The following SPEN variants were observed in gnomAD, a reference collection of about 807,000 sequenced individuals.
SPEN encodes spen family transcriptional repressor.
SPEN carries 18 observed loss-of-function variants against 269.9 expected under a neutral mutation model. That is an observed-to-expected ratio of 0.07 (90% CI 0.05 to 0.10). The LOEUF is 0.10. Among genes scored for constraint, SPEN ranks in the 10% least tolerant of loss-of-function variants. The probability of loss-of-function intolerance (pLI) is 1.00; values close to 1 mark genes in which losing one functional copy is unlikely to be tolerated. For synonymous variants in SPEN, 1,726 were observed against 1,765.7 expected, an observed-to-expected ratio of 0.98 and a Z score of 0.56; for missense variants, 3,822 against 4,631.2, an observed-to-expected ratio of 0.83 and a Z score of 5.07.
Position 15,934,975 on chromosome 1 carries a change from C to T in SPEN, c.8735C>T (p.Pro2912Leu), listed in dbSNP as rs776194989. The T allele has an allele frequency of 1.9e-6, 3 of 1,613,968 alleles. No homozygotes were observed. The highest frequency in any genetic ancestry group is 1.3e-5 in the African/African-American group (1 of 74,976). Reference protein sequence around the residue: ...VKADRPSLEKPEPIHLSVSTP... With the variant: ...VKADRPSLEKLEPIHLSVSTP... ...GCCGATAGGCCATCCTTGGAGAAGC[C>T]CGAGCCCATTCACCTCTCGGTGTCC... The change falls in exon 11 of 15, where the codon CCC (proline) becomes CTC (leucine). Residue 2912 changes from proline (P) to leucine (L), a missense_variant. Pro to Leu is a moderately conservative substitution (Grantham distance 98, BLOSUM62 -3). This residue lies in a region of SPEN where 329 missense variants were observed against 431.2 expected (regional missense o/e 0.76). Transcript: ENST00000375759. This position sits in a 1 kb window ranked among gnomAD's most constrained non-coding sequence, Gnocchi z 9.2.
chr1:15,919,298 G>A (rs1490424080), intron 7 of SPEN, 106 bp from the exon 8 acceptor site: 1 of 782,612 alleles, frequency 1.3e-6, no homozygotes, highest in Non-Finnish European at 2.0e-6. Context: ...CACTTGAGAT[G>A]TTGATTTGAT....
chr1:15,912,708 A>T (rs1165771590), intron 5 of SPEN, among the ~76,000 whole-genome samples: 2 of 152,196 alleles, frequency 1.3e-5, no homozygotes, highest in African/African-American at 4.8e-5. Flanking sequence ...ATCAAGTTTG[A>T]GATGGATTGC....
rs970919679 is a variant in SPEN at position 15,847,878 on chromosome 1, C to G, written c.-190C>G. 9.9e-5 allele frequency: 28 copies of G among 282,988 alleles called. No homozygotes were observed. The highest frequency in any genetic ancestry group is 3.2e-4 in the Admixed American group (6 of 18,866). 17.5% of individuals were successfully genotyped at this position (282,988 alleles called of 1,614,324 possible). ...GGCGGCAGAGCTGAGCTGCGAGGCC[C>G]GAGAGTCAGAACCTGGGGGAGAGGG... On this transcript the variant is annotated 5_prime_UTR_variant, in exon 1 of 15. Coordinates refer to ENST00000375759, the MANE Select transcript of SPEN (RefSeq NM_015001.3).
chr1:15,873,102 G>A lies in SPEN; in HGVS notation c.370G>A (p.Ala124Thr). Reference protein sequence around the residue: ...PAYGPPPSLHAREGRYERRLD... With the variant: ...PAYGPPPSLHTREGRYERRLD... ...TTATGGTCCCCCACCGTCACTTCAT[G>A]CACGAGAAGGACGTTATGAGCGGAG... Residue 124 changes from alanine to threonine, a missense_variant, in exon 2 of 15, where the codon GCA (alanine) becomes ACA (threonine). Physicochemically the swap from Ala to Thr is moderately conservative, Grantham distance 58 (BLOSUM62 0). This residue lies in a region of SPEN where 327 missense variants were observed against 350.8 expected (regional missense o/e 0.93). Transcript: ENST00000375759. The A allele has an allele frequency of 6.2e-7, 1 of 1,613,870 alleles. No homozygotes were observed. Among genetic ancestry groups the A allele is most frequent in the East Asian group, 2.2e-5 (1 of 44,882 alleles).
chr1:15,865,406 G>A (rs1041531187), intron 1 of SPEN, among the ~76,000 whole-genome samples: 5 of 145,984 alleles, frequency 3.4e-5, no homozygotes, highest in African/African-American at 1.3e-4. Flanking sequence ...ATCTTCCTAT[G>A]CAGGTATATG....
chr1:15,873,734 C>T lies in SPEN; in HGVS notation c.404+598C>T, dbSNP rs190138088. Reference sequence around the variant, plus strand: ...CTGATTTTTCCATTTTGGATCTACACAATTTCTGTATTGTTGGAATTACAC... The same window carrying T: ...CTGATTTTTCCATTTTGGATCTACATAATTTCTGTATTGTTGGAATTACAC... On this transcript the variant is annotated intron_variant, in intron 2 of 14. Coordinates refer to ENST00000375759, the MANE Select transcript of SPEN (RefSeq NM_015001.3). 5.4e-3 allele frequency: 5,371 copies of T among 1,000,790 alleles called. 37 individuals carry two copies. Among genetic ancestry groups the T allele is most frequent in the Middle Eastern group, 0.031 (60 of 1,940 alleles). The allele number at this position is 1,000,790 out of a possible 1,614,324, so 62.0% of individuals were successfully genotyped here.
intron 3 of SPEN, among the ~76,000 whole-genome samples, chr1:15,887,382 G>A (rs1427403915): frequency 1.4e-5 from 2 of 144,978 alleles, no homozygotes; most frequent in Admixed American, 7.4e-5. Flanking sequence ...CCGGGTTCAC[G>A]CCATTGTCCT....
chr1:15,880,453 C>CTTTT (rs371820417), intron 3 of SPEN, among the ~76,000 whole-genome samples: 192 of 110,954 alleles, frequency 1.7e-3, no homozygotes, highest in Non-Finnish European at 2.3e-3. Context: ...GTAATTATAG[C>CTTTT]TTTTTTTTTT....
intron 3 of SPEN, among the ~76,000 whole-genome samples, chr1:15,908,057 C>G (rs1557751447): frequency 6.6e-6 from 1 of 152,036 alleles, no homozygotes. Flanking sequence ...GTAACATGAT[C>G]TAGTAACTTA....
rs2071208519 is a variant in SPEN at position 15,930,293 on chromosome 1, T to C, written c.4053T>C (p.Phe1351=). ...AGATGAAACAGGATGCTGGCAGATT[T>C]GATGTGAGTTTCCCAAACAGCATAA... ...DSQMKQDAGR[F]DVSFPNSIIK... is the part of the protein sequence containing the mutation. The change falls in exon 11 of 15, where the codon TTT becomes TTC. Residue 1351 remains phenylalanine (F), a synonymous_variant. Transcript: ENST00000375759. This position sits in a 1 kb window ranked among gnomAD's most constrained non-coding sequence, Gnocchi z 5.3. The C allele has an allele frequency of 6.2e-7, 1 of 1,614,156 alleles. No homozygotes were observed.
intron 3 of SPEN, among the ~76,000 whole-genome samples, chr1:15,877,943 C>T (rs2070648443): frequency 6.6e-6 from 1 of 151,844 alleles, no homozygotes; most frequent in African/African-American, 2.4e-5. Context: ...CGGGGTTTTA[C>T]CGTGTTGGCC....
intron 4 of SPEN, 84 bp downstream of exon 4, chr1:15,909,565 G>A: frequency 2.2e-6 from 3 of 1,338,364 alleles, no homozygotes; most frequent in South Asian, 1.5e-5. Flanking sequence ...AATAACTTTG[G>A]GCATAAAATT....
At chr1:15,887,704 G>A (rs1372413529) in intron 3 of SPEN, among the ~76,000 whole-genome samples, 1 of 150,702 alleles carries the variant, frequency 6.6e-6, no homozygotes, top group East Asian at 2.0e-4. Context: ...TTGAGACATA[G>A]CAAGACCTCA....
rs1003782898 is a variant in SPEN at position 15,936,185 on chromosome 1, C to G, written c.9945C>G (p.His3315Gln). ...EYRYGDIRTY[H>Q]PPAQLTHTQF... ...GGTACGGCGACATCCGCACCTACCACCCCCCGGCCCAGCTCACACACACTC... is the reference window on the plus strand; with the variant it reads ...GGTACGGCGACATCCGCACCTACCAGCCCCCGGCCCAGCTCACACACACTC... Residue 3315 changes from histidine to glutamine, a missense_variant, in exon 11 of 15, where the codon CAC (histidine) becomes CAG (glutamine). Transcript: ENST00000375759. The G allele has an allele frequency of 1.9e-6, 3 of 1,592,368 alleles. No individual in the cohort carries two copies. The highest frequency in any genetic ancestry group is 1.7e-4 in the Middle Eastern group (1 of 5,974).
chr1:15,909,765 T>C lies in SPEN; in HGVS notation c.1042+284T>C, dbSNP rs373051399. Among the ~76,000 whole-genome samples the C allele has an allele frequency of 1.2e-3, 180 of 152,246 alleles. 4 individuals are homozygous for C. The South Asian group carries it at 0.035, about 29-fold the overall frequency. On this transcript the variant is annotated intron_variant, in intron 4 of 14. Coordinates refer to ENST00000375759, the MANE Select transcript of SPEN (RefSeq NM_015001.3). ...ACAAGTTAAAACTATTAGTAGATAG[T>C]CATGCCAACAAAGACCAAATTAAGT...
At position 15,937,976 on chromosome 1, in the gene SPEN, G is replaced by A. The variant is rs778309418; in HGVS notation, c.10674G>A (p.Thr3558=). ...RIAQRMRLEA[T]QLEGVARRMT... The stretch of plus-strand genomic sequence containing the variant: ...CCCAGAGGATGCGGCTGGAGGCAAC[G>A]CAGCTGGAAGGGGTTGCCCGAAGGA... The change falls in exon 13 of 15, where the codon ACG becomes ACA. Residue 3558 remains threonine, a synonymous_variant. Coordinates refer to ENST00000375759, the MANE Select transcript of SPEN (RefSeq NM_015001.3). This position sits in a 1 kb window ranked among gnomAD's most constrained non-coding sequence, Gnocchi z 5.7. 1.1e-5 allele frequency: 17 copies of A among 1,611,894 alleles called. No individual in the cohort carries two copies. Among genetic ancestry groups the A allele is most frequent in the South Asian group, 6.6e-5 (6 of 91,010 alleles).
chr1:15,931,060 T>A lies in SPEN; in HGVS notation c.4820T>A (p.Val1607Asp). The A allele has an allele frequency of 1.2e-6, 2 of 1,613,310 alleles. No homozygotes were observed. Among genetic ancestry groups the A allele is most frequent in the Non-Finnish European group, 1.7e-6 (2 of 1,179,840 alleles). Reference sequence around the variant, plus strand: ...GAAAAAGACCAGAAACCCAAAGAGGTTGAGAAACAGGAAGATACAGAGAAT... The same window carrying A: ...GAAAAAGACCAGAAACCCAAAGAGGATGAGAAACAGGAAGATACAGAGAAT... Reference protein sequence around the residue: ...EKEKDQKPKEVEKQEDTENHP... With the variant: ...EKEKDQKPKEDEKQEDTENHP... Residue 1607 changes from valine (V) to aspartate (D), a missense_variant, in exon 11 of 15, where the codon GTT (valine) becomes GAT (aspartate). Val to Asp is a radical substitution (Grantham distance 152). This residue lies in a region of SPEN where 533 missense variants were observed against 618.8 expected (regional missense o/e 0.86). Transcript: ENST00000375759. This position sits in a 1 kb window ranked among gnomAD's most constrained non-coding sequence, Gnocchi z 4.8.
chr1:15,928,190 T>C lies in SPEN; in HGVS notation c.1950T>C (p.Tyr650=). 4.3e-6 allele frequency: 7 copies of C among 1,614,162 alleles called. No homozygotes were observed. The highest frequency in any genetic ancestry group is 5.1e-6 in the Non-Finnish European group (6 of 1,180,028). The change falls in exon 11 of 15, where the codon TAT becomes TAC. Residue 650 remains tyrosine, a synonymous_variant. Coordinates refer to ENST00000375759, the MANE Select transcript of SPEN (RefSeq NM_015001.3). This position sits in a 1 kb window ranked among gnomAD's most constrained non-coding sequence, Gnocchi z 5.7. ...GTYPEDSRRD[Y]PARGREFYSE... ...ATCCTGAGGATTCCAGGCGGGACTATCCAGCTCGAGGGAGAGAGTTTTATT... is the reference window on the plus strand; with the variant it reads ...ATCCTGAGGATTCCAGGCGGGACTACCCAGCTCGAGGGAGAGAGTTTTATT...
At chr1:15,877,433 T>G (rs1373437763) in intron 3 of SPEN, among the ~76,000 whole-genome samples, 3 of 152,154 alleles carry the variant, frequency 2.0e-5, no homozygotes, top group Non-Finnish European at 4.4e-5. Flanking sequence ...CACGCCTGGC[T>G]AATTTTGTAT....
Sources: gnomAD v4.1 joint callset for allele counts (sites outside exome capture counted in the v4.1 genomes callset) on GRCh38, gnomAD v4.1.1 for gene constraint, gnomAD v4.1.1 regional missense constraint, Gnocchi (gnomAD v3.1) non-coding constraint, MANE v1.5 for transcripts, NCBI Gene and HGNC (gene_info 2026-07-23, HGNC 2026-07-21) for gene names.